PPME1: variants seen among roughly 807,000 people sequenced by gnomAD.
The protein encoded by PPME1 is testicular secretory protein Li 39.
In PPME1, 17 loss-of-function variants were observed where a neutral mutation model predicts 56.9. The observed-to-expected ratio is 0.30, with a 90% CI of 0.20 to 0.45. The LOEUF is 0.45. PPME1 is among the 20% of genes least tolerant of loss of function. PPME1 has a pLI of 1.00. For synonymous variants in PPME1, 122 were observed against 156.2 expected, an observed-to-expected ratio of 0.78 and a Z score of 1.63; for missense variants, 357 against 483.2, an observed-to-expected ratio of 0.74 and a Z score of 2.45.
intron 5 of PPME1, 120 bp downstream of exon 5, chr11:74,225,376 A>G: frequency 1.4e-6 from 1 of 692,952 alleles, no homozygotes; most frequent in Non-Finnish European, 2.3e-6. Context: ...GGAAAATTTT[A>G]CTTCTGTTCT....
chr11:74,238,790 T>G, intron 8 of PPME1: 1 of 162,654 alleles, frequency 6.1e-6, no homozygotes, highest in Non-Finnish European at 1.3e-5. Context: ...CACTTATGAG[T>G]TAGGTGATGC....
intron 1 of PPME1, among the ~76,000 whole-genome samples, chr11:74,176,578 C>T (rs528097926): frequency 2.6e-5 from 4 of 151,996 alleles, no homozygotes; most frequent in South Asian, 2.1e-4. Context: ...ACATTTTCAT[C>T]CTCCCATAAA....
chr11:74,203,683 T>TA (rs1858236702), intron 1 of PPME1, 45 bp from the exon 2 acceptor site: 1 of 1,459,380 alleles, frequency 6.9e-7, no homozygotes, highest in African/African-American at 1.4e-5. Flanking sequence ...TTTTATCTCT[T>TA]TATGCATAAT....
At chr11:74,179,806 G>A (rs1026199833) in intron 1 of PPME1, among the ~76,000 whole-genome samples, 46 of 152,124 alleles carry the variant, frequency 3.0e-4, no homozygotes, top group African/African-American at 1.0e-3. Flanking sequence ...CCATCTGGTT[G>A]CTTTCTTTTC....
chr11:74,172,614 C>T (rs766799603), intron 1 of PPME1, among the ~76,000 whole-genome samples: 8 of 152,124 alleles, frequency 5.3e-5, no homozygotes, highest in Non-Finnish European at 1.0e-4. Flanking sequence ...TTAGGGGATA[C>T]TTGGGCCGAG....
chr11:74,228,314 A>G (rs1371001737), intron 5 of PPME1, among the ~76,000 whole-genome samples: 2 of 152,122 alleles, frequency 1.3e-5, no homozygotes, highest in African/African-American at 4.8e-5. Flanking sequence ...CCTCTGTGTT[A>G]CTACTCTAAA....
intron 3 of PPME1, chr11:74,205,372 A>G (rs189087371): frequency 7.9e-5 from 12 of 152,352 alleles, no homozygotes; most frequent in Admixed American, 6.5e-4. Flanking sequence ...AAGGAGAGAT[A>G]CTGCTAAGGA....
intron 9 of PPME1, chr11:74,243,562 C>T (rs1482372725): frequency 1.3e-5 from 2 of 151,914 alleles, no homozygotes; most frequent in Non-Finnish European, 2.9e-5. Flanking sequence ...TTTAAAGTGT[C>T]CTATCCCTGG....
At chr11:74,235,630 A>C in intron 7 of PPME1, 1 of 387,910 alleles carries the variant, frequency 2.6e-6, no homozygotes, top group East Asian at 5.3e-5. Flanking sequence ...CTCCCTACCG[A>C]ATTATGTGCT....
chr11:74,190,766 T>G (rs1453958135), intron 1 of PPME1, among the ~76,000 whole-genome samples: 1 of 152,202 alleles, frequency 6.6e-6, no homozygotes, highest in Non-Finnish European at 1.5e-5. Flanking sequence ...TCTTAAAGAC[T>G]TGGTTAAATA....
intron 3 of PPME1, among the ~76,000 whole-genome samples, chr11:74,212,100 G>C (rs1447776483): frequency 1.3e-5 from 2 of 152,202 alleles, no homozygotes; most frequent in East Asian, 3.8e-4. Flanking sequence ...ACACTGAAGA[G>C]GATAGAAACG....
intron 1 of PPME1, among the ~76,000 whole-genome samples, chr11:74,201,890 TGTGA>T (rs937440878): frequency 4.6e-5 from 7 of 152,286 alleles, no homozygotes; most frequent in Admixed American, 4.6e-4. Context: ...GTGAGTAACT[TGTGA>T]GTAAGTAGAA....
intron 1 of PPME1, among the ~76,000 whole-genome samples, chr11:74,201,832 C>T (rs1484446428): frequency 6.6e-6 from 1 of 152,106 alleles, no homozygotes; most frequent in African/African-American, 2.4e-5. Flanking sequence ...ACATGTTTGG[C>T]ATGCCATGTT....
In PPME1 at chr11:74,221,105, C is replaced by A. The variant is rs11824204; in HGVS notation, c.289-1207C>A. On this transcript the variant is annotated intron_variant, in intron 3 of 13. Transcript: ENST00000328257. ...TGTTTTTAATATTTGTAGTGATTTT[C>A]TGACAGGCACCTATGATTGTAAATC... 9.2e-3 allele frequency among the ~76,000 whole-genome samples: 1,396 copies of A among 152,168 alleles called. 20 individuals are homozygous for A. The highest frequency in any genetic ancestry group is 0.032 in the African/African-American group (1,314 of 41,528).
chr11:74,205,614 G>C (rs955066309), intron 3 of PPME1: 3 of 152,166 alleles, frequency 2.0e-5, no homozygotes, highest in African/African-American at 7.2e-5. Context: ...ATCTCATCTT[G>C]TCTCTTCTTT....
At chr11:74,172,938 C>T (rs1268324583) in intron 1 of PPME1, among the ~76,000 whole-genome samples, 1 of 151,750 alleles carries the variant, frequency 6.6e-6, no homozygotes, top group Non-Finnish European at 1.5e-5. Context: ...GACAGTAAGT[C>T]CTAGGGATGA....
intron 11 of PPME1, chr11:74,249,202 A>C (rs758392973): frequency 6.6e-6 from 1 of 152,260 alleles, no homozygotes. Flanking sequence ...AACATTCCAC[A>C]GAACAAAGGG....
intron 7 of PPME1, among the ~76,000 whole-genome samples, chr11:74,231,258 A>G (rs1459169459): frequency 3.3e-5 from 5 of 152,152 alleles, no homozygotes; most frequent in African/African-American, 9.7e-5. Context: ...AGGTCTTGCT[A>G]TGTTGCCCAG....
intron 1 of PPME1, among the ~76,000 whole-genome samples, chr11:74,192,796 C>T (rs1319094431): frequency 6.6e-6 from 1 of 152,178 alleles, no homozygotes; most frequent in Non-Finnish European, 1.5e-5. Flanking sequence ...CCCACTTCAC[C>T]TTCCACCATG....
Sources: allele counts gnomAD v4.1 joint callset (sites outside exome capture counted in the v4.1 genomes callset), GRCh38; gene constraint gnomAD v4.1.1; transcripts MANE v1.5; gene names NCBI Gene and HGNC (gene_info 2026-07-23, HGNC 2026-07-21).